The following TENM4 variants were observed in gnomAD, a reference collection of about 807,000 sequenced individuals.
TENM4 encodes teneurin-4.
A neutral mutation model predicts 243.3 loss-of-function variants in TENM4; 82 were observed. That is an observed-to-expected ratio of 0.34 (90% CI 0.28 to 0.40). The LOEUF is 0.40. Among genes scored for constraint, TENM4 ranks in the 10% least tolerant of loss-of-function variants. The pLI, the probability that TENM4 is intolerant of heterozygous loss-of-function variation, is 1.00. For missense variants in TENM4, 3,138 were observed against 3,673.3 expected, an observed-to-expected ratio of 0.85 and a Z score of 3.77; for synonymous variants, 1,412 against 1,456.3, an observed-to-expected ratio of 0.97 and a Z score of 0.69.
chr11:78,755,974 CCCTGCTCTTGG>C (rs1215866211), intron 19 of TENM4, among the ~76,000 whole-genome samples: 1 of 152,150 alleles, frequency 6.6e-6, no homozygotes, highest in Non-Finnish European at 1.5e-5. Context: ...GATTATAAAT[CCCTGCTCTTGG>C]ATATGCTGTT....
At chr11:79,149,188 A>G (rs896435191) in intron 3 of TENM4, among the ~76,000 whole-genome samples, 2 of 152,148 alleles carry the variant, frequency 1.3e-5, no homozygotes, top group Non-Finnish European at 2.9e-5. Flanking sequence ...GGAAAGCAGC[A>G]CAGAGAAAGG....
intron 3 of TENM4, among the ~76,000 whole-genome samples, chr11:79,169,429 A>T (rs1283366118): frequency 6.6e-6 from 1 of 152,262 alleles, no homozygotes; most frequent in East Asian, 1.9e-4. Context: ...CTGGGATCTC[A>T]GAGCCAGGGC....
At position 79,367,922 on chromosome 11, in the gene TENM4, C is replaced by G. The variant is rs537732742; in HGVS notation, c.-320-70379G>C. ...CAAGAGTTTCAAGCCTCCTTTGTGT[C>G]AGATTAATAGCAATAATAAGTGATA... On this transcript the variant is annotated intron_variant, in intron 1 of 33. Coordinates refer to ENST00000278550, the MANE Select transcript of TENM4 (RefSeq NM_001098816.3). Among the ~76,000 whole-genome samples, 116 of 152,246 alleles carry G rather than the reference C, an allele frequency of 7.6e-4. 3 individuals carry two copies. The South Asian group carries it at 0.024, about 31-fold the overall frequency.
rs1321089408 is a variant in TENM4 at position 79,439,092 on chromosome 11, G to A, written c.-321+1417C>T. 5 of 151,430 alleles carry A rather than the reference G, an allele frequency of 3.3e-5. No individual in the cohort carries two copies. In the East Asian group the frequency reaches 9.7e-4, roughly 30 times the overall value. The allele number at this position is 151,430 out of a possible 1,614,324, so 9.4% of individuals were successfully genotyped here. On this transcript the variant is annotated intron_variant, in intron 1 of 33. Coordinates refer to ENST00000278550, the MANE Select transcript of TENM4 (RefSeq NM_001098816.3). ...GCTCAGCAGATCTCTCTCCTTACTCGGCCTCAGAGCTCAGTACATGGGCAC... is the reference window on the plus strand; with the variant it reads ...GCTCAGCAGATCTCTCTCCTTACTCAGCCTCAGAGCTCAGTACATGGGCAC...
intron 3 of TENM4, among the ~76,000 whole-genome samples, chr11:79,158,333 A>G (rs1269353603): frequency 6.6e-6 from 1 of 152,230 alleles, no homozygotes; most frequent in Admixed American, 6.5e-5. Context: ...ATACTAGCCA[A>G]GGCATAGGAG....
chr11:78,795,467 C>T (rs1206799381), intron 15 of TENM4, among the ~76,000 whole-genome samples: 2 of 152,188 alleles, frequency 1.3e-5, no homozygotes, highest in Admixed American at 1.3e-4. Flanking sequence ...AAATACTGCA[C>T]ACCTTTGAGC....
chr11:79,190,329 T>G (rs1863455236), intron 3 of TENM4, among the ~76,000 whole-genome samples: 1 of 152,204 alleles, frequency 6.6e-6, no homozygotes, highest in Admixed American at 6.5e-5. Flanking sequence ...TAAGAAGGCC[T>G]GTGTCACCCT....
chr11:79,369,995 T>G lies in TENM4; in HGVS notation c.-321+70514A>C, dbSNP rs984659385. On this transcript the variant is annotated intron_variant, in intron 1 of 33. Transcript: ENST00000278550. ...GGTCTCCAGCCCACAAACCATGCAA[T>G]TTTCCGTAAGCTGCTTCCTCATTCT... Among the ~76,000 whole-genome samples, 4 of 152,272 alleles carry G rather than the reference T, an allele frequency of 2.6e-5. No individual in the cohort carries two copies. The South Asian group carries it at 8.3e-4, about 32-fold the overall frequency.
At chr11:79,274,710 G>A (rs1369028202) in intron 2 of TENM4, among the ~76,000 whole-genome samples, 1 of 152,120 alleles carries the variant, frequency 6.6e-6, no homozygotes, top group Admixed American at 6.6e-5. Context: ...AATTGGGGGG[G>A]AAAAAGGCTT....
intron 9 of TENM4, 150 bp from the exon 10 acceptor site, chr11:78,863,282 G>T: frequency 1.1e-6 from 1 of 879,902 alleles, no homozygotes; most frequent in Non-Finnish European, 1.6e-6. Context: ...TGTAGTGCCA[G>T]CCCTGCAAAG....
intron 3 of TENM4, among the ~76,000 whole-genome samples, chr11:79,203,350 A>G (rs1229081554): frequency 2.0e-5 from 3 of 152,240 alleles, no homozygotes; most frequent in Non-Finnish European, 2.9e-5. Flanking sequence ...CATAAAGGTG[A>G]AAACAACCCA....
rs116470430 is a variant in TENM4, at chr11:79,060,709, C to T, written c.493+4029G>A. ...TATAAGCTCTGCCAACTTGCTGACT[C>T]GCAGGCTATTGTGTCTCAGTTTGGA... On this transcript the variant is annotated intron_variant, in intron 6 of 33. Coordinates refer to ENST00000278550, the MANE Select transcript of TENM4 (RefSeq NM_001098816.3). Among the ~76,000 whole-genome samples, 1,476 of 152,276 alleles carry T rather than the reference C, an allele frequency of 9.7e-3. 26 individuals carry two copies. Among genetic ancestry groups the T allele is most frequent in the African/African-American group, 0.033 (1,386 of 41,564 alleles).
At chr11:78,950,164 G>A (rs1444585619) in intron 6 of TENM4, among the ~76,000 whole-genome samples, 1 of 152,106 alleles carries the variant, frequency 6.6e-6, no homozygotes, top group Non-Finnish European at 1.5e-5. Flanking sequence ...CCCACCTCAG[G>A]ACAAAGGCCA....
At chr11:79,033,728 G>A (rs1218701227) in intron 6 of TENM4, among the ~76,000 whole-genome samples, 3 of 152,180 alleles carry the variant, frequency 2.0e-5, no homozygotes. Flanking sequence ...AAAGTAGCTG[G>A]TTTTGCTATC....
chr11:79,404,157 TA>T (rs1390524196), intron 1 of TENM4, among the ~76,000 whole-genome samples: 2 of 152,234 alleles, frequency 1.3e-5, no homozygotes, highest in Non-Finnish European at 2.9e-5. Flanking sequence ...CCTGACATAA[TA>T]ATTAAGCCCC....
intron 6 of TENM4, among the ~76,000 whole-genome samples, chr11:78,973,951 C>T (rs995431669): frequency 5.9e-5 from 9 of 151,772 alleles, no homozygotes; most frequent in African/African-American, 1.9e-4. Context: ...GGCAGAGGGC[C>T]CCACAACTGC....
At chr11:79,291,870 A>G (rs1856362811) in intron 2 of TENM4, among the ~76,000 whole-genome samples, 1 of 152,194 alleles carries the variant, frequency 6.6e-6, no homozygotes, top group South Asian at 2.1e-4. Context: ...TCTAGCTTTT[A>G]TAGATGAGGG....
intron 9 of TENM4, among the ~76,000 whole-genome samples, chr11:78,878,979 G>A (rs1859340262): frequency 6.6e-6 from 1 of 152,242 alleles, no homozygotes; most frequent in Non-Finnish European, 1.5e-5. Flanking sequence ...ACTTGAAAAT[G>A]TTTGCATGAA....
chr11:78,745,201 T>C (rs1856020086), intron 19 of TENM4, among the ~76,000 whole-genome samples: 1 of 151,612 alleles, frequency 6.6e-6, no homozygotes, highest in Non-Finnish European at 1.5e-5. Context: ...GTGGGTCCAC[T>C]GTCCCTCTTT....
Sources: gnomAD v4.1 joint callset for allele counts (sites outside exome capture counted in the v4.1 genomes callset) on GRCh38, gnomAD v4.1.1 for gene constraint, MANE v1.5 for transcripts, NCBI Gene and HGNC (gene_info 2026-07-23, HGNC 2026-07-21) for gene names.